PSG3: variants seen among roughly 807,000 people sequenced by gnomAD.
PSG3 encodes the protein pregnancy-specific beta-1-glycoprotein 3.
In PSG3, 61 loss-of-function variants were observed where a neutral mutation model predicts 47.5. The observed-to-expected ratio is 1.28, with a 90% CI of 1.05 to 1.59. PSG3 has a LOEUF of 1.59. Ranked by LOEUF, PSG3 falls within the 40% of genes most tolerant of loss-of-function variation. The pLI is 0.00. For missense variants in PSG3, 756 were observed against 524.0 expected, an observed-to-expected ratio of 1.44 and a Z score of -4.32; for synonymous variants, 263 against 198.4, an observed-to-expected ratio of 1.33 and a Z score of -2.74.
rs780247215 is a variant in PSG3 at position 42,722,411 on chromosome 19, C to A, written c.*41-321G>T. Among the ~76,000 whole-genome samples the A allele has an allele frequency of 2.4e-4, 36 of 152,196 alleles. 1 individual carries two copies. Among genetic ancestry groups the A allele is most frequent in the Non-Finnish European group, 5.1e-4 (35 of 68,022 alleles). On this transcript the variant is annotated intron_variant, in intron 6 of 6. Transcript: ENST00000327495. Reference sequence around the variant, plus strand: ...GACTACAGGTGCCTGCCACCAAGCCCGGCTAATTTTGTTTTTGCATTTTTA... The same window carrying A: ...GACTACAGGTGCCTGCCACCAAGCCAGGCTAATTTTGTTTTTGCATTTTTA...
rs1465345628 is a variant in PSG3 at position 42,722,038 on chromosome 19, A to G, written c.*93T>C. ...CATAAATCTCCTTGAACAAAAAGCA[A>G]TTTTGGACTGTAGCTGATGGTAAAT... On this transcript the variant is annotated 3_prime_UTR_variant, in exon 7 of 7. Transcript: ENST00000327495. 4 of 416,066 alleles carry G rather than the reference A, an allele frequency of 9.6e-6. No homozygotes were observed. The highest frequency in any genetic ancestry group is 1.8e-5 in the Non-Finnish European group (4 of 226,908). The allele number at this position is 416,066 out of a possible 1,614,324, so 25.8% of individuals were successfully genotyped here.
rs573719531 is a variant in PSG3 at position 42,724,915 on chromosome 19, C to T, written c.1244-890G>A. Among the ~76,000 whole-genome samples the T allele has an allele frequency of 2.6e-5, 4 of 152,164 alleles. No homozygotes were observed. The South Asian group carries it at 8.3e-4, about 32-fold the overall frequency. ...GAAAAAGGAAGGTACTGTTGAGGGG[C>T]ACTTCCTATGTGCCAGGCCCTGTGC... On this transcript the variant is annotated intron_variant, in intron 5 of 6. Coordinates refer to ENST00000327495, the MANE Select transcript of PSG3 (RefSeq NM_021016.4).
chr19:42,739,261 C>T (rs1163400720), intron 1 of PSG3, 172 bp from the exon 2 acceptor site: 4 of 1,140,336 alleles, frequency 3.5e-6, no homozygotes, highest in East Asian at 4.9e-5. Flanking sequence ...GTGTTTGTGT[C>T]CTACTCTCCT....
chr19:42,740,284 C>T (rs149065613), intron 1 of PSG3, 37 bp downstream of exon 1: 21,809 of 1,613,784 alleles, frequency 0.014, 216 homozygotes, highest in Non-Finnish European at 0.015. Flanking sequence ...CACTCTGCTT[C>T]CTCCTCCTGT....
chr19:42,735,067 C>T (rs1440236628), intron 2 of PSG3, among the ~76,000 whole-genome samples: 1 of 152,194 alleles, frequency 6.6e-6, no homozygotes, highest in Non-Finnish European at 1.5e-5. Context: ...GGCAGTAAAG[C>T]CATCAGATAG....
At chr19:42,727,390 G>T (rs1158220743) in intron 5 of PSG3, among the ~76,000 whole-genome samples, 1 of 152,254 alleles carries the variant, frequency 6.6e-6, no homozygotes, top group South Asian at 2.1e-4. Flanking sequence ...CAGAATACAT[G>T]AAAAGCTACA....
At chr19:42,726,691 A>T (rs1969383124) in intron 5 of PSG3, among the ~76,000 whole-genome samples, 3 of 152,230 alleles carry the variant, frequency 2.0e-5, no homozygotes, top group Non-Finnish European at 4.4e-5. Flanking sequence ...AAGACTCAAT[A>T]TTGTTAGGAG....
In PSG3 at chr19:42,726,242, G is replaced by T. The variant is rs190301667; in HGVS notation, c.1244-2217C>A. On this transcript the variant is annotated intron_variant, in intron 5 of 6. Coordinates refer to ENST00000327495, the MANE Select transcript of PSG3 (RefSeq NM_021016.4). The stretch of plus-strand genomic sequence containing the variant: ...CCTGTATGAGCAGGAACAAGACAAG[G>T]GTGCCTGCTTTTGACACTTTTATTC... 3.9e-3 allele frequency among the ~76,000 whole-genome samples: 591 copies of T among 152,200 alleles called. 4 individuals carry two copies. The highest frequency in any genetic ancestry group is 0.01 in the Middle Eastern group (3 of 292).
intron 5 of PSG3, among the ~76,000 whole-genome samples, chr19:42,728,011 G>A (rs1969403957): frequency 1.3e-5 from 2 of 152,110 alleles, no homozygotes; most frequent in South Asian, 2.1e-4. Context: ...ACTGAAATAA[G>A]CCAGACACAA....
chr19:42,732,671 G>A lies in PSG3; in HGVS notation c.709+113C>T, dbSNP rs1600385861. The A allele has an allele frequency of 6.2e-6, 10 of 1,611,836 alleles. No individual in the cohort carries two copies. The East Asian group carries it at 6.7e-5, about 11-fold the overall frequency. On this transcript the variant is annotated intron_variant, in intron 3 of 6. Transcript: ENST00000327495. ...GCAGAAAGTCATGGCCAGGTTTGATGTCCAGGGGTAAAGGTCTCTGTACTT... is the reference window on the plus strand; with the variant it reads ...GCAGAAAGTCATGGCCAGGTTTGATATCCAGGGGTAAAGGTCTCTGTACTT...
chr19:42,723,272 G>C (rs1381177831), intron 6 of PSG3, among the ~76,000 whole-genome samples: 7 of 152,150 alleles, frequency 4.6e-5, no homozygotes, highest in Admixed American at 1.3e-4. Flanking sequence ...TGAAGGGTGT[G>C]GTTAAGTCTG....
In PSG3 at chr19:42,721,999, TG is replaced by T. The variant is rs1600375860; in HGVS notation, c.*131del. 1 of 417,310 alleles carries T rather than the reference TG, an allele frequency of 2.4e-6. No homozygotes were observed. The highest frequency in any genetic ancestry group is 3.6e-5 in the East Asian group (1 of 28,104). The allele number at this position is 417,310 out of a possible 1,614,324, so 25.9% of individuals were successfully genotyped here. A position where few individuals can be genotyped will look rare whatever the true frequency, so the allele number is the denominator to read the frequency against. ...TCAGGAACTTGTATTCAAGAGTCCT[TG>T]TCAGAGTCTTTTCATAAATCTCCTT... On this transcript the variant is annotated 3_prime_UTR_variant, in exon 7 of 7. Coordinates refer to ENST00000327495, the MANE Select transcript of PSG3 (RefSeq NM_021016.4).
chr19:42,739,003 C>A lies in PSG3; in HGVS notation c.151G>T (p.Val51Phe). 1.2e-6 allele frequency: 2 copies of A among 1,613,978 alleles called. No homozygotes were observed. The highest frequency in any genetic ancestry group is 1.7e-6 in the Non-Finnish European group (2 of 1,179,934). The change falls in exon 2 of 7, where the codon GTT (valine) becomes TTT (phenylalanine). Residue 51 changes from valine to phenylalanine, a missense_variant. Physicochemically the swap from Val to Phe is conservative, Grantham distance 50. Coordinates refer to ENST00000327495, the MANE Select transcript of PSG3 (RefSeq NM_021016.4). ...GGCAAATTGTGGACAAGTAGAAGAA[C>A]GTCCTTCCCCTTGGAAACTTTGGTT... is the stretch of plus-strand genomic sequence containing the variant. ...EPTKVSKGKD[V>F]LLLVHNLPQN...
At position 42,732,383 on chromosome 19, in the gene PSG3, T is replaced by C. The variant is rs537304851; in HGVS notation, c.709+401A>G. 19 of 306,182 alleles carry C rather than the reference T, an allele frequency of 6.2e-5. No homozygotes were observed. The South Asian group carries it at 7.1e-4, about 11-fold the overall frequency. The allele number at this position is 306,182 out of a possible 1,614,324, so 19.0% of individuals were successfully genotyped here. On this transcript the variant is annotated intron_variant, in intron 3 of 6. Transcript: ENST00000327495. ...GGAAATGGTGGGGGCATCCAGGCCATGTGGAGCAAAGAGAATAATGTCATA... is the reference window on the plus strand; with the variant it reads ...GGAAATGGTGGGGGCATCCAGGCCACGTGGAGCAAAGAGAATAATGTCATA...
At position 42,732,813 on chromosome 19, in the gene PSG3, C is replaced by G; in HGVS notation, c.680G>C (p.Arg227Pro). Residue 227 changes from arginine to proline, a missense_variant, in exon 3 of 7, where the codon CGC (arginine) becomes CCC (proline). Coordinates refer to ENST00000327495, the MANE Select transcript of PSG3 (RefSeq NM_021016.4). ...GAGATTCAGGGTGACTGGGTCACTG[C>G]GGCTGGCACTCACTGGGTTCCGTAT... ...CEIRNPVSASRSDPVTLNLLP... is the reference protein window; with the variant it reads ...CEIRNPVSASPSDPVTLNLLP... The G allele has an allele frequency of 6.2e-7, 1 of 1,614,098 alleles. No homozygotes were observed. The highest frequency in any genetic ancestry group is 8.5e-7 in the Non-Finnish European group (1 of 1,179,992).
intron 2 of PSG3, among the ~76,000 whole-genome samples, chr19:42,738,122 C>A (rs1969597016): frequency 6.6e-6 from 1 of 152,216 alleles, no homozygotes; most frequent in African/African-American, 2.4e-5. Flanking sequence ...TCTTTCTGTC[C>A]TCTCCACTCT....
In PSG3 at chr19:42,721,787, G is replaced by T. The variant is rs959574235; in HGVS notation, c.*344C>A. 36 of 407,178 alleles carry T rather than the reference G, an allele frequency of 8.8e-5. No homozygotes were observed. Among genetic ancestry groups the T allele is most frequent in the Middle Eastern group, 6.2e-4 (1 of 1,604 alleles). The allele number at this position is 407,178 out of a possible 1,614,324, so 25.2% of individuals were successfully genotyped here. A position where few individuals can be genotyped will look rare whatever the true frequency, so the allele number is the denominator to read the frequency against. ...TTACCAATTGCTGAAGAAAAAAAGT[G>T]CATAAATCTGGAGAATAAAACATTC... On this transcript the variant is annotated 3_prime_UTR_variant, in exon 7 of 7. Coordinates refer to ENST00000327495, the MANE Select transcript of PSG3 (RefSeq NM_021016.4).
chr19:42,740,457 C>G lies in PSG3; in HGVS notation c.-73G>C. ...CCAGAAACTTCCTGAGCATGGCTCT[C>G]AGCTGTGCTGTCCTTCCTCCTTCTG... On this transcript the variant is annotated 5_prime_UTR_variant, in exon 1 of 7. Transcript: ENST00000327495. The G allele has an allele frequency of 6.2e-7, 1 of 1,612,918 alleles. No individual in the cohort carries two copies. The highest frequency in any genetic ancestry group is 8.5e-7 in the Non-Finnish European group (1 of 1,179,500).
At chr19:42,729,522 C>G (rs1969434869) in intron 4 of PSG3, 145 bp from the exon 5 acceptor site, 3 of 1,478,140 alleles carry the variant, frequency 2.0e-6, no homozygotes, top group African/African-American at 2.8e-5. Context: ...TGAGCTGAAG[C>G]CTGAGGTATT....
Sources: allele counts gnomAD v4.1 joint callset (sites outside exome capture counted in the v4.1 genomes callset), GRCh38; gene constraint gnomAD v4.1.1; transcripts MANE v1.5; gene names NCBI Gene and HGNC (gene_info 2026-07-23, HGNC 2026-07-21).